The following AARS1 variants were observed in gnomAD, a reference collection of about 807,000 sequenced individuals.
AARS1 encodes the protein alanine--tRNA ligase, cytoplasmic.
Under a neutral mutation model 108.9 loss-of-function variants are expected in AARS1, and 72 were observed. That is an observed-to-expected ratio of 0.66 (90% CI 0.55 to 0.80). The LOEUF (loss-of-function observed/expected upper bound fraction) is 0.80. Ranked by LOEUF, AARS1 falls within the 30% of genes least tolerant of loss-of-function variation. The probability of loss-of-function intolerance (pLI) is 0.00; values close to 1 mark genes in which losing one functional copy is unlikely to be tolerated. For synonymous variants in AARS1, 489 were observed against 465.7 expected (o/e 1.05, Z -0.64); for missense variants, 1,193 against 1,233.2 (o/e 0.97, Z 0.49).
rs1329713999 is a variant in AARS1 at position 70,269,691 on chromosome 16, C to G, written c.889G>C (p.Val297Leu). ...DADGIDMAYRVLADHARTITV... is the reference protein window; with the variant it reads ...DADGIDMAYRLLADHARTITV... ...ATGGTCCGAGCGTGGTCAGCCAGCA[C>G]CCGGTAGGCCATGTCAATCCCATCG... Residue 297 changes from valine (V) to leucine (L), a missense_variant, in exon 7 of 21, where the codon GTG becomes CTG. By Grantham distance (32) the Val-to-Leu change is conservative. Transcript: ENST00000261772. 9.3e-6 allele frequency: 15 copies of G among 1,614,026 alleles called. No individual in the cohort carries two copies. The highest frequency in any genetic ancestry group is 1.3e-5 in the Non-Finnish European group (15 of 1,180,022).
At chr16:70,286,181 A>G (rs1219912045) in intron 1 of AARS1, among the ~76,000 whole-genome samples, 4 of 152,124 alleles carry the variant, frequency 2.6e-5, no homozygotes, top group Non-Finnish European at 4.4e-5. Context: ...ATCTAAATTT[A>G]TATTTATTCG....
At chr16:70,284,944 G>C (rs1170280084) in intron 1 of AARS1, among the ~76,000 whole-genome samples, 1 of 152,050 alleles carries the variant, frequency 6.6e-6, no homozygotes, top group Non-Finnish European at 1.5e-5. Context: ...AATGGAAAAC[G>C]TTACGCCACG....
chr16:70,280,911 T>C (rs1013356656), intron 2 of AARS1, among the ~76,000 whole-genome samples: 14 of 152,224 alleles, frequency 9.2e-5, no homozygotes, highest in African/African-American at 3.4e-4. Context: ...CACCATAGCC[T>C]TGACCTCCCA....
At chr16:70,280,857 T>G (rs1960680318) in intron 2 of AARS1, among the ~76,000 whole-genome samples, 1 of 152,220 alleles carries the variant, frequency 6.6e-6, no homozygotes. Context: ...AGACAGGGTC[T>G]CACTCTGTTG....
At chr16:70,265,438 T>G in intron 10 of AARS1, 100 bp downstream of exon 10, 6 of 1,578,194 alleles carry the variant, frequency 3.8e-6, no homozygotes, top group Non-Finnish European at 3.5e-6. Flanking sequence ...GAAAAAGCAC[T>G]TCAAAGACTT....
Position 70,252,651 on chromosome 16 carries a change from A to G in AARS1, c.*70T>C. 1 of 1,557,634 alleles carries G rather than the reference A, an allele frequency of 6.4e-7. No homozygotes were observed. Among genetic ancestry groups the G allele is most frequent in the South Asian group, 1.1e-5 (1 of 89,264 alleles). The stretch of plus-strand genomic sequence containing the variant: ...GCTCTTTAAAGGTCCCAAGATTCAA[A>G]TGTTCTTGTAGCAGATGAAGAGCTC... On this transcript the variant is annotated 3_prime_UTR_variant, in exon 21 of 21. Transcript: ENST00000261772.
intron 1 of AARS1, among the ~76,000 whole-genome samples, chr16:70,286,977 C>A (rs1484875814): frequency 6.9e-6 from 1 of 145,906 alleles, no homozygotes; most frequent in Non-Finnish European, 1.5e-5. Context: ...TTAGGCCGGG[C>A]GCGGTGGCTC....
At chr16:70,282,867 G>A in intron 1 of AARS1, 83 bp from the exon 2 acceptor site, 1 of 1,414,554 alleles carries the variant, frequency 7.1e-7, no homozygotes, top group South Asian at 1.2e-5. Flanking sequence ...GGCTTCTCAA[G>A]CCAAGTCAAA....
rs976647006 is a variant in AARS1 at position 70,272,067 on chromosome 16, G to A, written c.480-95C>T. On this transcript the variant is annotated intron_variant, in intron 4 of 20. Transcript: ENST00000261772. The stretch of plus-strand genomic sequence containing the variant: ...GCAAAAGAAATTCTTAGGATTGGCC[G>A]GGCACAGTGGCTCATGTTACTGCAC... 2.2e-5 allele frequency: 26 copies of A among 1,177,910 alleles called. No individual in the cohort carries two copies. The African/African-American group carries it at 2.3e-4, about 10-fold the overall frequency. The allele number at this position is 1,177,910 out of a possible 1,614,324, so 73.0% of individuals were successfully genotyped here.
chr16:70,265,467 G>C, intron 10 of AARS1, 71 bp downstream of exon 10: 1 of 1,606,272 alleles, frequency 6.2e-7, no homozygotes. Context: ...GGAAACTCAT[G>C]CTCAGTCTGC....
chr16:70,261,889 G>A (rs1228855954), intron 12 of AARS1, among the ~76,000 whole-genome samples: 3 of 151,862 alleles, frequency 2.0e-5, no homozygotes, highest in Admixed American at 6.6e-5. Context: ...GGCTGGTCTT[G>A]AACTCCTGAC....
intron 17 of AARS1, chr16:70,254,243 T>C (rs1959922892): frequency 1.5e-6 from 1 of 682,290 alleles, no homozygotes; most frequent in Non-Finnish European, 2.5e-6. Flanking sequence ...AAAGCTGGGC[T>C]CCCAAATCAG....
In AARS1 at chr16:70,252,809, G is replaced by A. The variant is rs1959874409; in HGVS notation, c.2819C>T (p.Ala940Val). Residue 940 changes from alanine (A) to valine (V), a missense_variant, in exon 21 of 21, where the codon GCC becomes GTC. Physicochemically the swap from Ala to Val is moderately conservative, Grantham distance 64 (BLOSUM62 0). Coordinates refer to ENST00000261772, the MANE Select transcript of AARS1 (RefSeq NM_001605.3). ...KGGGKDVSAQ[A>V]TGKNVGCLQE... ...CAGGCAGCCAACGTTCTTGCCTGTGGCCTGTGCAGACACATCCTTGCCACC... is the reference window on the plus strand; with the variant it reads ...CAGGCAGCCAACGTTCTTGCCTGTGACCTGTGCAGACACATCCTTGCCACC... 7 of 1,614,226 alleles carry A rather than the reference G, an allele frequency of 4.3e-6. No homozygotes were observed. The highest frequency in any genetic ancestry group is 5.9e-6 in the Non-Finnish European group (7 of 1,180,016).
chr16:70,265,044 G>A lies in AARS1; in HGVS notation c.1406C>T (p.Ala469Val), dbSNP rs1482868893. The A allele has an allele frequency of 2.5e-6, 4 of 1,614,048 alleles. No homozygotes were observed. The highest frequency in any genetic ancestry group is 2.5e-6 in the Non-Finnish European group (3 of 1,180,044). Reference sequence around the variant, plus strand: ...ACCCCGTGCCCGGAGCTCTTCGATAGCGTAAATGTCCAGCATAATGAGGTC... The same window carrying A: ...ACCCCGTGCCCGGAGCTCTTCGATAACGTAAATGTCCAGCATAATGAGGTC... ...GEDLIMLDIY[A>V]IEELRARGLE... is the part of the protein sequence containing the mutation. Residue 469 changes from alanine to valine, a missense_variant, in exon 11 of 21, where the codon GCT (alanine) becomes GTT (valine). Coordinates refer to ENST00000261772, the MANE Select transcript of AARS1 (RefSeq NM_001605.3).
At chr16:70,254,257 C>T (rs1236616791) in intron 17 of AARS1, 15 of 642,254 alleles carry the variant, frequency 2.3e-5, no homozygotes, top group Non-Finnish European at 4.1e-5. Context: ...AAATCAGGCC[C>T]GGTCCTTACC....
intron 2 of AARS1, among the ~76,000 whole-genome samples, chr16:70,280,266 G>C (rs1178853243): frequency 1.3e-5 from 2 of 151,872 alleles, no homozygotes; most frequent in Non-Finnish European, 2.9e-5. Flanking sequence ...GCCCAGGCTG[G>C]AGTGCAGTGG....
intron 7 of AARS1, among the ~76,000 whole-genome samples, chr16:70,269,037 C>T (rs1960329574): frequency 6.6e-6 from 1 of 151,542 alleles, no homozygotes. Context: ...CAAAACCCCA[C>T]CTCTGGCCGG....
At chr16:70,253,621 A>T in intron 19 of AARS1, 93 bp downstream of exon 19, 1 of 1,422,926 alleles carries the variant, frequency 7.0e-7, no homozygotes, top group Non-Finnish European at 9.8e-7. Flanking sequence ...GTGGGCCCTT[A>T]GGCAACCACT....
intron 2 of AARS1, among the ~76,000 whole-genome samples, chr16:70,282,089 T>C (rs1960710110): frequency 6.7e-6 from 1 of 149,508 alleles, no homozygotes; most frequent in African/African-American, 2.5e-5. Flanking sequence ...GGGGCGGAGC[T>C]TGCAGTGAGC....
Sources: gnomAD v4.1 joint callset for allele counts (sites outside exome capture counted in the v4.1 genomes callset) on GRCh38, gnomAD v4.1.1 for gene constraint, MANE v1.5 for transcripts, NCBI Gene and HGNC (gene_info 2026-07-23, HGNC 2026-07-21) for gene names.